Variants in RNF150 observed in about 807,000 individuals in gnomAD.
RNF150 encodes ring finger protein 150.
RNF150 carries 24 observed loss-of-function variants against 39.3 expected under a neutral mutation model. The ratio of observed to expected loss-of-function variants is 0.61; its 90% CI spans 0.44 to 0.86. RNF150 has a LOEUF of 0.86. RNF150 is among the 40% of genes least tolerant of loss of function. RNF150 has a pLI of 0.00. For missense variants in RNF150, 502 were observed against 587.8 expected, an observed-to-expected ratio of 0.85 and a Z score of 1.51; for synonymous variants, 255 against 227.3, an observed-to-expected ratio of 1.12 and a Z score of -1.10.
intron 1 of RNF150, among the ~76,000 whole-genome samples, chr4:141,155,812 G>A (rs1054652180): frequency 1.2e-4 from 19 of 152,230 alleles, no homozygotes; most frequent in African/African-American, 3.6e-4. Context: ...TTGTTGTGCC[G>A]AAACCACAAA....
chr4:141,132,346 T>G lies in RNF150; in HGVS notation c.463A>C (p.Thr155Pro). ...TCACCCGCGTGGGGCATGGTGATGG[T>G]CTCGTTGGTGTTGGAGCCCACGTTG... ...IFNVGSNTNE[T>P]ITMPHAGVED... The change falls in exon 1 of 7, where the codon ACC becomes CCC. Residue 155 changes from threonine to proline, a missense_variant. By Grantham distance (38) the Thr-to-Pro change is conservative (BLOSUM62 -1). Coordinates refer to ENST00000515673, the MANE Select transcript of RNF150 (RefSeq NM_020724.2). The surrounding 1 kb of genome is among the most constrained non-coding windows in gnomAD (Gnocchi z 4.9). The G allele has an allele frequency of 6.3e-7, 1 of 1,586,792 alleles. No individual in the cohort carries two copies. The highest frequency in any genetic ancestry group is 8.6e-7 in the Non-Finnish European group (1 of 1,166,844).
intron 1 of RNF150, among the ~76,000 whole-genome samples, chr4:141,146,152 T>C (rs761910750): frequency 2.0e-4 from 30 of 152,238 alleles, no homozygotes; most frequent in Middle Eastern, 3.2e-3. Flanking sequence ...TTGGGATGGA[T>C]ACATGTTTAA....
At chr4:141,023,627 A>G (rs1230215761) in intron 1 of RNF150, among the ~76,000 whole-genome samples, 1 of 152,162 alleles carries the variant, frequency 6.6e-6, no homozygotes, top group East Asian at 1.9e-4. Context: ...CATAAAAATT[A>G]TTGAGACAGT....
At chr4:141,207,860 C>A (rs768501563) in intron 1 of RNF150, among the ~76,000 whole-genome samples, 6 of 152,144 alleles carry the variant, frequency 3.9e-5, no homozygotes, top group Non-Finnish European at 5.9e-5. Flanking sequence ...CAACGTTTTA[C>A]TTTCTTTTTA....
intron 6 of RNF150, among the ~76,000 whole-genome samples, chr4:140,899,814 A>AGT (rs1426623075): frequency 1.7e-4 from 22 of 129,476 alleles, no homozygotes; most frequent in African/African-American, 5.4e-4. Flanking sequence ...TTTCTCCAGA[A>AGT]GTTTTCCCTG....
intron 1 of RNF150, among the ~76,000 whole-genome samples, chr4:141,104,891 G>C (rs1739145666): frequency 6.6e-6 from 1 of 152,122 alleles, no homozygotes; most frequent in South Asian, 2.1e-4. Flanking sequence ...ATGGTGATGA[G>C]GCTGTCTCTC....
At chr4:141,055,408 C>T (rs1237075552) in intron 1 of RNF150, among the ~76,000 whole-genome samples, 1 of 152,098 alleles carries the variant, frequency 6.6e-6, no homozygotes, top group African/African-American at 2.4e-5. Context: ...ATGATAGTTT[C>T]AAGAGAGAAT....
intron 1 of RNF150, chr4:141,053,723 A>ACAG: frequency 1.4e-6 from 2 of 1,390,466 alleles, no homozygotes; most frequent in South Asian, 1.7e-5. Flanking sequence ...GCATGAGAAG[A>ACAG]CATTAAACCT....
At chr4:140,881,766 A>G (rs1168162450) in intron 6 of RNF150, among the ~76,000 whole-genome samples, 1 of 152,138 alleles carries the variant, frequency 6.6e-6, no homozygotes, top group Admixed American at 6.5e-5. Flanking sequence ...CTGCAGTCCC[A>G]GCTACTCAGG....
chr4:141,174,610 T>G (rs1420806900), intron 1 of RNF150, among the ~76,000 whole-genome samples: 2 of 152,138 alleles, frequency 1.3e-5, no homozygotes, highest in East Asian at 3.9e-4. Flanking sequence ...AGAAAGTTCA[T>G]GAGCCTTATT....
chr4:141,116,479 G>T (rs1189774967), intron 1 of RNF150, among the ~76,000 whole-genome samples: 1 of 152,164 alleles, frequency 6.6e-6, no homozygotes, highest in Non-Finnish European at 1.5e-5. Flanking sequence ...TCATTAAAAA[G>T]TCAAGAAACA....
intron 4 of RNF150, among the ~76,000 whole-genome samples, chr4:140,942,677 AT>A (rs777588760): frequency 6.6e-6 from 1 of 152,148 alleles, no homozygotes; most frequent in Non-Finnish European, 1.5e-5. Flanking sequence ...ATTATCCCTA[AT>A]CCAAATAGCC....
intron 1 of RNF150, among the ~76,000 whole-genome samples, chr4:141,011,869 T>G (rs1044947786): frequency 3.3e-5 from 5 of 152,242 alleles, no homozygotes; most frequent in African/African-American, 1.2e-4. Flanking sequence ...AAACCAAACT[T>G]CAGATTCACA....
At chr4:140,935,037 A>ATAT (rs1731794647) in intron 4 of RNF150, among the ~76,000 whole-genome samples, 3 of 4,038 alleles carry the variant, frequency 7.4e-4, no homozygotes, top group Admixed American at 6.3e-3. Flanking sequence ...TTTATAATAT[A>ATAT]TATATATAAA....
chr4:140,965,740 G>A (rs182774699), intron 2 of RNF150, among the ~76,000 whole-genome samples: 5 of 152,056 alleles, frequency 3.3e-5, no homozygotes, highest in Admixed American at 6.6e-5. Flanking sequence ...ATAAACAAGC[G>A]GTTACCGGAG....
At chr4:141,011,053 T>C (rs1343820075) in intron 1 of RNF150, among the ~76,000 whole-genome samples, 2 of 151,614 alleles carry the variant, frequency 1.3e-5, no homozygotes, top group Non-Finnish European at 2.9e-5. Context: ...ATATGACCCA[T>C]TGGCATTCCT....
At chr4:140,938,567 T>C (rs1299212052) in intron 4 of RNF150, among the ~76,000 whole-genome samples, 2 of 152,180 alleles carry the variant, frequency 1.3e-5, no homozygotes, top group African/African-American at 2.4e-5. Flanking sequence ...ACAAACAACC[T>C]TCCAAGGCCT....
At chr4:141,027,930 T>TGTTTTG (rs536577190) in intron 1 of RNF150, among the ~76,000 whole-genome samples, 5 of 115,448 alleles carry the variant, frequency 4.3e-5, no homozygotes, top group East Asian at 2.5e-4. Context: ...TTTTTTGTTT[T>TGTTTTG]TTTTTTTTTT....
At chr4:140,904,553 A>G (rs1198819271) in intron 6 of RNF150, among the ~76,000 whole-genome samples, 3 of 152,092 alleles carry the variant, frequency 2.0e-5, no homozygotes, top group Non-Finnish European at 4.4e-5. Flanking sequence ...CACTCTTGCA[A>G]CTCCCTCATC....
Sources: allele counts gnomAD v4.1 joint callset (sites outside exome capture counted in the v4.1 genomes callset), GRCh38; gene constraint gnomAD v4.1.1; non-coding constraint Gnocchi (gnomAD v3.1); transcripts MANE v1.5; gene names NCBI Gene and HGNC (gene_info 2026-07-23, HGNC 2026-07-21).